SIPA1L1: variants seen among roughly 807,000 people sequenced by gnomAD.
The protein encoded by SIPA1L1 is signal induced proliferation associated 1 like 1.
Under a neutral mutation model 162.7 loss-of-function variants are expected in SIPA1L1, and 26 were observed. The ratio of observed to expected loss-of-function variants is 0.16; its 90% CI spans 0.12 to 0.22. The LOEUF (loss-of-function observed/expected upper bound fraction) is 0.22. Ranked by LOEUF, SIPA1L1 falls within the 10% of genes least tolerant of loss-of-function variation. SIPA1L1 has a pLI of 1.00. For missense variants in SIPA1L1, 1,874 were observed against 2,241.0 expected, an observed-to-expected ratio of 0.84 and a Z score of 3.31; for synonymous variants, 829 against 837.4, an observed-to-expected ratio of 0.99 and a Z score of 0.17.
At chr14:71,507,480 T>C (rs2050770163) in intron 2 of SIPA1L1, among the ~76,000 whole-genome samples, 1 of 152,206 alleles carries the variant, frequency 6.6e-6, no homozygotes, top group South Asian at 2.1e-4. Context: ...GTGGGTAGTT[T>C]AGACTTGAAT....
At chr14:71,653,659 A>C (rs934434258) in intron 8 of SIPA1L1, among the ~76,000 whole-genome samples, 1 of 152,180 alleles carries the variant, frequency 6.6e-6, no homozygotes, top group African/African-American at 2.4e-5. Context: ...CAATGTCTGC[A>C]AACAGTTGTT....
chr14:71,659,151 T>G (rs747019082), intron 9 of SIPA1L1, among the ~76,000 whole-genome samples: 1 of 152,214 alleles, frequency 6.6e-6, no homozygotes, highest in Non-Finnish European at 1.5e-5. Context: ...AAATTGAAAT[T>G]TAAAAGAACC....
chr14:71,515,473 A>AAATCTC (rs2051620936), intron 3 of SIPA1L1, among the ~76,000 whole-genome samples: 1 of 152,178 alleles, frequency 6.6e-6, no homozygotes, highest in Non-Finnish European at 1.5e-5. Flanking sequence ...GGGCTATGGA[A>AAATCTC]TTGCTCATTT....
At chr14:71,596,557 A>G (rs777572655) in intron 5 of SIPA1L1, among the ~76,000 whole-genome samples, 8 of 152,212 alleles carry the variant, frequency 5.3e-5, no homozygotes, top group Non-Finnish European at 1.2e-4. Context: ...AAATAACTGC[A>G]CATTTATTCA....
chr14:71,520,557 G>A (rs1490472264), intron 3 of SIPA1L1, among the ~76,000 whole-genome samples: 2 of 152,100 alleles, frequency 1.3e-5, no homozygotes, highest in Non-Finnish European at 2.9e-5. Context: ...GGACTCCTGC[G>A]AGTTATAGCA....
intron 12 of SIPA1L1, among the ~76,000 whole-genome samples, chr14:71,675,864 C>T (rs749330537): frequency 6.6e-6 from 1 of 152,024 alleles, no homozygotes; most frequent in Non-Finnish European, 1.5e-5. Context: ...TACAAACACC[C>T]CCAGGATCTA....
Position 71,740,998 on chromosome 14 carries a change from C to T in SIPA1L1, c.*1837C>T, listed in dbSNP as rs566948796. On this transcript the variant is annotated 3_prime_UTR_variant, in exon 24 of 24. Coordinates refer to ENST00000381232, the MANE Select transcript of SIPA1L1 (RefSeq NM_001386936.1). Reference sequence around the variant, plus strand: ...TCTTGTTTGAAGCCTCTAAAGACTACCTGTAAAATTCAAAGAATAAAATTC... The same window carrying T: ...TCTTGTTTGAAGCCTCTAAAGACTATCTGTAAAATTCAAAGAATAAAATTC... 1 of 152,134 alleles carries T rather than the reference C, an allele frequency of 6.6e-6. No individual in the cohort carries two copies. The highest frequency in any genetic ancestry group is 6.5e-5 in the Admixed American group (1 of 15,272). 9.4% of individuals were successfully genotyped at this position (152,134 alleles called of 1,614,324 possible).
In SIPA1L1 at chr14:71,588,355, C is replaced by T; in HGVS notation, c.483C>T (p.Ser161=). The T allele has an allele frequency of 6.2e-7, 1 of 1,613,802 alleles. No homozygotes were observed. Residue 161 remains serine, a synonymous_variant, in exon 5 of 24, where the codon AGC becomes AGT. Transcript: ENST00000381232. This position sits in a 1 kb window ranked among gnomAD's most constrained non-coding sequence, Gnocchi z 4.3. Reference sequence around the variant, plus strand: ...TTCTCATGCCTGAAGCCTACCCCAGCTCCCCCAGAAAAGCTCTTCGCAGAA... The same window carrying T: ...TTCTCATGCCTGAAGCCTACCCCAGTTCCCCCAGAAAAGCTCTTCGCAGAA... ...SRFLMPEAYP[S]SPRKALRRIR...
At chr14:71,330,391 T>A in intron 2 of SIPA1L1, 1 of 1,065,704 alleles carries the variant, frequency 9.4e-7, no homozygotes, top group South Asian at 1.2e-5. Flanking sequence ...GAAGCGGACA[T>A]GCATGCTGAT....
chr14:71,557,000 G>T (rs2056410032), intron 4 of SIPA1L1, among the ~76,000 whole-genome samples: 1 of 152,226 alleles, frequency 6.6e-6, no homozygotes, highest in African/African-American at 2.4e-5. Flanking sequence ...GAGAGAGAGA[G>T]ATTCTGTTTC....
intron 14 of SIPA1L1, among the ~76,000 whole-genome samples, chr14:71,700,555 T>C (rs185897531): frequency 6.6e-6 from 1 of 152,336 alleles, no homozygotes; most frequent in Admixed American, 6.5e-5. Context: ...ATGACCACTT[T>C]AACCAATTAG....
At position 71,618,998 on chromosome 14, in the gene SIPA1L1, G is replaced by A. The variant is rs1028039728; in HGVS notation, c.1629+111G>A. 14 of 1,183,614 alleles carry A rather than the reference G, an allele frequency of 1.2e-5. No homozygotes were observed. In the African/African-American group the frequency reaches 1.7e-4, roughly 14 times the overall value. 73.3% of individuals were successfully genotyped at this position (1,183,614 alleles called of 1,614,324 possible). A position where few individuals can be genotyped will look rare whatever the true frequency, so the allele number is the denominator to read the frequency against. ...TAGCACATGGTTACAGCTGTCTTTG[G>A]AGTAAGCAAAGTCCCCTTTCATTTA... On this transcript the variant is annotated intron_variant, in intron 6 of 23. Transcript: ENST00000381232.
chr14:71,692,765 G>GA (rs760339156), intron 13 of SIPA1L1, among the ~76,000 whole-genome samples: 1 of 152,168 alleles, frequency 6.6e-6, no homozygotes, highest in Non-Finnish European at 1.5e-5. Context: ...CTTGGGCCTC[G>GA]AAAGTAGCTA....
In SIPA1L1 at chr14:71,615,541, G is replaced by T. The variant is rs1029461507; in HGVS notation, c.1499-3216G>T. On this transcript the variant is annotated intron_variant, in intron 5 of 23. Coordinates refer to ENST00000381232, the MANE Select transcript of SIPA1L1 (RefSeq NM_001386936.1). ...AGATGGATTTGAGAGATGTCCAGAA[G>T]CTGGAATTCACAGAGTATGGCAGTG... Among the ~76,000 whole-genome samples the T allele has an allele frequency of 2.0e-5, 3 of 152,214 alleles. No homozygotes were observed. In the South Asian group the frequency reaches 6.2e-4, roughly 31 times the overall value.
chr14:71,375,815 A>G (rs746183377), intron 2 of SIPA1L1, among the ~76,000 whole-genome samples: 1 of 152,108 alleles, frequency 6.6e-6, no homozygotes, highest in African/African-American at 2.4e-5. Flanking sequence ...TTCTGTGTCT[A>G]TTAGACTGAT....
intron 2 of SIPA1L1, among the ~76,000 whole-genome samples, chr14:71,504,333 G>A (rs1411109606): frequency 6.6e-6 from 1 of 152,142 alleles, no homozygotes; most frequent in East Asian, 1.9e-4. Flanking sequence ...AAACGTTACT[G>A]AATCAGAACC....
intron 2 of SIPA1L1, among the ~76,000 whole-genome samples, chr14:71,493,771 G>A (rs2049489536): frequency 6.6e-6 from 1 of 152,128 alleles, no homozygotes; most frequent in Non-Finnish European, 1.5e-5. Flanking sequence ...ATTAACGTGT[G>A]TTTATATTTG....
intron 2 of SIPA1L1, among the ~76,000 whole-genome samples, chr14:71,457,485 G>A (rs1163188329): frequency 6.6e-6 from 1 of 151,630 alleles, no homozygotes. Context: ...TTTCAGTAGA[G>A]ATGGGGTTTC....
intron 13 of SIPA1L1, among the ~76,000 whole-genome samples, chr14:71,686,319 C>G (rs1331954681): frequency 6.6e-6 from 1 of 152,146 alleles, no homozygotes; most frequent in Admixed American, 6.5e-5. Flanking sequence ...CAAGGTTGCC[C>G]TAGCACTTTT....
Sources: gnomAD v4.1 joint callset for allele counts (sites outside exome capture counted in the v4.1 genomes callset) on GRCh38, gnomAD v4.1.1 for gene constraint, Gnocchi (gnomAD v3.1) non-coding constraint, MANE v1.5 for transcripts, NCBI Gene and HGNC (gene_info 2026-07-23, HGNC 2026-07-21) for gene names.